Variants in FBN2 observed in about 807,000 individuals in gnomAD.
The protein encoded by FBN2 is fibrillin 2, also known as fibrillin-2.
A neutral mutation model predicts 355.6 loss-of-function variants in FBN2; 105 were observed. That is an observed-to-expected ratio of 0.30 (90% CI 0.25 to 0.35). FBN2 has a LOEUF of 0.35. Among genes scored for constraint, FBN2 ranks in the 10% least tolerant of loss-of-function variants. FBN2 has a pLI of 1.00. For missense variants in FBN2, 3,280 were observed against 3,758.7 expected, an observed-to-expected ratio of 0.87 and a Z score of 3.33; for synonymous variants, 1,350 against 1,301.2, an observed-to-expected ratio of 1.04 and a Z score of -0.81.
chr5:128,349,824 TA>T (rs1334570795), intron 22 of FBN2, 130 bp downstream of exon 22: 12 of 758,482 alleles, frequency 1.6e-5, no homozygotes, highest in Non-Finnish European at 6.9e-6. Context: ...ATTTGTTGAT[TA>T]CATCGAGTAT....
At chr5:128,460,676 C>A (rs949412032) in intron 6 of FBN2, among the ~76,000 whole-genome samples, 5 of 152,090 alleles carry the variant, frequency 3.3e-5, no homozygotes, top group African/African-American at 1.2e-4. Context: ...ACCAATGGAG[C>A]AGAACAGAGA....
intron 25 of FBN2, among the ~76,000 whole-genome samples, chr5:128,340,375 CTT>C (rs1220186913): frequency 1.3e-5 from 2 of 152,118 alleles, no homozygotes; most frequent in Non-Finnish European, 2.9e-5. Flanking sequence ...TTACAGGAGT[CTT>C]TATTTATTTC....
In FBN2 at chr5:128,392,051, C is replaced by T; in HGVS notation, c.1570G>A (p.Gly524Ser). 1 of 1,613,814 alleles carries T rather than the reference C, an allele frequency of 6.2e-7. No individual in the cohort carries two copies. The highest frequency in any genetic ancestry group is 2.2e-5 in the East Asian group (1 of 44,830). ...TCTCCATTTGCATCCTGCTTATAAC[C>T]CATGTTGCATTCACATCGGTAGCTT... ...VSSYRCECNMGYKQDANGDCI... is the reference protein window; with the variant it reads ...VSSYRCECNMSYKQDANGDCI... The change falls in exon 11 of 65, where the codon GGT becomes AGT. Residue 524 changes from glycine (G) to serine (S), a missense_variant. Gly to Ser is a moderately conservative substitution (Grantham distance 56). Coordinates refer to ENST00000262464, the MANE Select transcript of FBN2 (RefSeq NM_001999.4).
intron 4 of FBN2, among the ~76,000 whole-genome samples, chr5:128,523,779 AT>A (rs111737216): frequency 6.6e-5 from 10 of 150,598 alleles, no homozygotes; most frequent in East Asian, 3.9e-4. Flanking sequence ...TACTTTTTCT[AT>A]TTTTTTTTAT....
chr5:128,395,514 G>A (rs955736944), intron 8 of FBN2, among the ~76,000 whole-genome samples: 1 of 152,216 alleles, frequency 6.6e-6, no homozygotes. Context: ...CAATTCTGAA[G>A]CTTGAAGGAA....
At chr5:128,376,272 T>G (rs185190318) in intron 14 of FBN2, among the ~76,000 whole-genome samples, 1 of 152,188 alleles carries the variant, frequency 6.6e-6, no homozygotes, top group Admixed American at 6.5e-5. Flanking sequence ...ACTAAATCAA[T>G]GTAAGGTTTT....
At chr5:128,305,468 A>C in intron 44 of FBN2, 43 bp downstream of exon 44, 1 of 1,610,530 alleles carries the variant, frequency 6.2e-7, no homozygotes, top group Non-Finnish European at 8.5e-7. Context: ...AATCTAAGGA[A>C]TCTTGTGCTC....
intron 7 of FBN2, among the ~76,000 whole-genome samples, chr5:128,430,222 C>T (rs1753584481): frequency 6.6e-6 from 1 of 151,416 alleles, no homozygotes; most frequent in Non-Finnish European, 1.5e-5. Flanking sequence ...GATGTCTTTG[C>T]CAGTAGTTTT....
Position 128,327,798 on chromosome 5 carries a change from C to A in FBN2, c.4471+898G>T, listed in dbSNP as rs1750596138. Among the ~76,000 whole-genome samples, 2 of 152,052 alleles carry A rather than the reference C, an allele frequency of 1.3e-5. 1 individual carries two copies. The highest frequency in any genetic ancestry group is 4.2e-4 in the South Asian group (2 of 4,818). ...GGATTACAGGCATGAGCCACCATACCCAGCTAATTTTGTATTTTTAGTAGA... is the reference window on the plus strand; with the variant it reads ...GGATTACAGGCATGAGCCACCATACACAGCTAATTTTGTATTTTTAGTAGA... On this transcript the variant is annotated intron_variant, in intron 34 of 64. Coordinates refer to ENST00000262464, the MANE Select transcript of FBN2 (RefSeq NM_001999.4).
At chr5:128,521,138 T>G (rs1002672002) in intron 4 of FBN2, among the ~76,000 whole-genome samples, 26 of 152,154 alleles carry the variant, frequency 1.7e-4, no homozygotes, top group African/African-American at 6.0e-4. Flanking sequence ...AATGATAGAC[T>G]GGATAAAGAA....
intron 48 of FBN2, among the ~76,000 whole-genome samples, chr5:128,299,421 C>G (rs575143304): frequency 7.1e-6 from 1 of 139,960 alleles, no homozygotes; most frequent in East Asian, 2.1e-4. Context: ...GGTGGGCGCC[C>G]CTCCCCCAGC....
intron 6 of FBN2, among the ~76,000 whole-genome samples, chr5:128,449,667 C>G (rs1020694814): frequency 6.6e-6 from 1 of 150,970 alleles, no homozygotes; most frequent in African/African-American, 2.4e-5. Flanking sequence ...GAGACAGACA[C>G]GAGATAGTAA....
chr5:128,359,428 T>C (rs1751583556), intron 19 of FBN2, among the ~76,000 whole-genome samples: 1 of 152,014 alleles, frequency 6.6e-6, no homozygotes, highest in South Asian at 2.1e-4. Context: ...GAAAAAGAGA[T>C]TAGTAGCCTT....
intron 51 of FBN2, among the ~76,000 whole-genome samples, chr5:128,289,469 T>C (rs1256929860): frequency 2.0e-5 from 3 of 151,964 alleles, no homozygotes. Context: ...ACACCTGTAG[T>C]CCCAGCTACT....
intron 40 of FBN2, 71 bp from the exon 41 acceptor site, chr5:128,309,470 G>A: frequency 2.2e-6 from 3 of 1,341,542 alleles, no homozygotes; most frequent in Middle Eastern, 1.8e-4. Flanking sequence ...CCACACAGCT[G>A]TAGACATCAA....
At chr5:128,318,298 G>T in intron 35 of FBN2, 27 bp from the exon 36 acceptor site, 1 of 1,613,586 alleles carries the variant, frequency 6.2e-7, no homozygotes, top group South Asian at 1.1e-5. Flanking sequence ...AAATGCCCAG[G>T]TTACCATTTT....
At chr5:128,480,077 CTATATATAATATATATATTCTCTCCA>C (rs1370911725) in intron 5 of FBN2, among the ~76,000 whole-genome samples, 1 of 136,900 alleles carries the variant, frequency 7.3e-6, no homozygotes, top group Non-Finnish European at 1.6e-5. Flanking sequence ...TATATATTCT[CTATATATAATATATATATTCTCTCCA>C]TATATATAAT....
At chr5:128,495,067 G>A (rs536289664) in intron 5 of FBN2, among the ~76,000 whole-genome samples, 28 of 152,152 alleles carry the variant, frequency 1.8e-4, no homozygotes, top group African/African-American at 5.8e-4. Flanking sequence ...ACAATGTCTC[G>A]TCAAAGTGAG....
intron 50 of FBN2, among the ~76,000 whole-genome samples, chr5:128,290,420 C>T (rs952727795): frequency 2.0e-5 from 3 of 152,176 alleles, no homozygotes; most frequent in Admixed American, 6.5e-5. Flanking sequence ...CCTGGAGCAA[C>T]CTGGAATATA....
Sources: gnomAD v4.1 joint callset for allele counts (sites outside exome capture counted in the v4.1 genomes callset) on GRCh38, gnomAD v4.1.1 for gene constraint, MANE v1.5 for transcripts, NCBI Gene and HGNC (gene_info 2026-07-23, HGNC 2026-07-21) for gene names.